The following EPHA5 variants were observed in gnomAD, a reference collection of about 807,000 sequenced individuals.
EPHA5 encodes the protein ephrin type-A receptor 5.
In EPHA5, 60 loss-of-function variants were observed where a neutral mutation model predicts 105.0. The ratio of observed to expected loss-of-function variants is 0.57; its 90% CI spans 0.46 to 0.71. The LOEUF (loss-of-function observed/expected upper bound fraction) is 0.71, where lower values mean the gene tolerates loss of function less well. EPHA5 is among the 30% of genes least tolerant of loss of function. The pLI is 0.00. For missense variants in EPHA5, 1,218 were observed against 1,274.7 expected (o/e 0.96, Z 0.68); for synonymous variants, 513 against 449.1 (o/e 1.14, Z -1.80).
intron 8 of EPHA5, 96 bp downstream of exon 8, chr4:65,404,278 T>TGATTTGTTTTGGG: frequency 5.7e-6 from 5 of 874,384 alleles, no homozygotes; most frequent in Non-Finnish European, 9.4e-6. Flanking sequence ...ATTGCTTGCC[T>TGATTTGTTTTGGG]GATTTGTTTT....
intron 4 of EPHA5, among the ~76,000 whole-genome samples, chr4:65,491,312 A>G (rs1028406535): frequency 2.6e-5 from 4 of 152,118 alleles, no homozygotes; most frequent in Admixed American, 6.6e-5. Flanking sequence ...CAAAATTACA[A>G]TTTGCAGTAA....
rs1718025312 is a variant in EPHA5 at position 65,367,425 on chromosome 4, C to A, written c.1794-1G>T. ...TTTTGCTTTGCTGTAGCCACACCGC[C>A]TGGAACAAAGTAAGCTAGAATTAGC... On this transcript the variant is annotated splice_acceptor_variant, in intron 8 of 16. Coordinates refer to ENST00000613740, the MANE Select transcript of EPHA5 (RefSeq NM_001281766.3). LOFTEE classifies it high-confidence loss of function. 1 of 1,611,860 alleles carries A rather than the reference C, an allele frequency of 6.2e-7. No homozygotes were observed. Among genetic ancestry groups the A allele is most frequent in the Non-Finnish European group, 8.5e-7 (1 of 1,179,064 alleles).
chr4:65,410,190 C>T (rs1248872551), intron 7 of EPHA5, among the ~76,000 whole-genome samples: 1 of 151,990 alleles, frequency 6.6e-6, no homozygotes, highest in African/African-American at 2.4e-5. Context: ...GGTGGTTAAA[C>T]AAATTGTGGC....
chr4:65,458,572 T>C (rs1028247440), intron 5 of EPHA5, among the ~76,000 whole-genome samples: 1 of 152,170 alleles, frequency 6.6e-6, no homozygotes, highest in Non-Finnish European at 1.5e-5. Context: ...ATGTTCACAT[T>C]AATTTATTAA....
intron 1 of EPHA5, among the ~76,000 whole-genome samples, chr4:65,666,567 T>C (rs968163180): frequency 6.6e-6 from 1 of 152,250 alleles, no homozygotes; most frequent in African/African-American, 2.4e-5. Context: ...ATATTTGTCC[T>C]GCTTGATCAG....
rs552153306 is a variant in EPHA5 at position 65,670,365 on chromosome 4, G to C, written c.-623C>G. 46 of 233,806 alleles carry C rather than the reference G, an allele frequency of 2.0e-4. No individual in the cohort carries two copies. The East Asian group carries it at 2.6e-3, about 13-fold the overall frequency. The allele number at this position is 233,806 out of a possible 1,614,324, so 14.5% of individuals were successfully genotyped here. On this transcript the variant is annotated 5_prime_UTR_variant, in exon 1 of 17. Coordinates refer to ENST00000613740, the MANE Select transcript of EPHA5 (RefSeq NM_001281766.3). ...GGGACTGACGGCTGCCGGCCGGTAG[G>C]AGCGCGGAGCTGCGCTGCGGCGGCC...
At chr4:65,461,894 C>A (rs1472992460) in intron 5 of EPHA5, among the ~76,000 whole-genome samples, 4 of 151,768 alleles carry the variant, frequency 2.6e-5, no homozygotes, top group Non-Finnish European at 4.4e-5. Flanking sequence ...ATAAAAGAAA[C>A]CCAGGTCAAG....
intron 2 of EPHA5, among the ~76,000 whole-genome samples, chr4:65,640,898 A>T (rs905065945): frequency 8.5e-5 from 13 of 152,198 alleles, no homozygotes; most frequent in African/African-American, 3.1e-4. Flanking sequence ...ATCAATGTGG[A>T]CATCTCAGTT....
intron 3 of EPHA5, among the ~76,000 whole-genome samples, chr4:65,554,981 C>CAAAAAAAAAA (rs71205383): frequency 1.8e-4 from 17 of 92,574 alleles, no homozygotes; most frequent in East Asian, 7.9e-4. Context: ...TATACAACAG[C>CAAAAAAAAAA]AAAAAAAAAA....
At chr4:65,414,573 A>G in intron 6 of EPHA5, 130 bp from the exon 7 acceptor site, 6 of 1,015,758 alleles carry the variant, frequency 5.9e-6, no homozygotes, top group Non-Finnish European at 8.5e-6. Flanking sequence ...ATAACATTTT[A>G]GAAAAAAATC....
Position 65,380,638 on chromosome 4 carries a change from A to C in EPHA5, c.1794-13214T>G, listed in dbSNP as rs367862929. ...GCAAGAAGAGTAATTTCACAAAAGA[A>C]GTACTTGAATTACATAGAAAATATT... On this transcript the variant is annotated intron_variant, in intron 8 of 16. Transcript: ENST00000613740. Among the ~76,000 whole-genome samples, 109 of 151,950 alleles carry C rather than the reference A, an allele frequency of 7.2e-4. 4 individuals are homozygous for C. The South Asian group carries it at 0.022, about 30-fold the overall frequency.
At chr4:65,443,905 C>CTG (rs57129731) in intron 5 of EPHA5, among the ~76,000 whole-genome samples, 11,857 of 149,912 alleles carry the variant, frequency 0.079, 592 homozygotes, top group African/African-American at 0.15. Context: ...GTTTGTGTGC[C>CTG]TGTGTGTGTG....
chr4:65,607,013 C>G (rs1426140940), intron 2 of EPHA5, among the ~76,000 whole-genome samples: 4 of 152,216 alleles, frequency 2.6e-5, no homozygotes, highest in South Asian at 4.2e-4. Context: ...AATATCTTCT[C>G]AAGTTCCTCA....
chr4:65,560,998 A>T (rs1738952489), intron 3 of EPHA5, among the ~76,000 whole-genome samples: 1 of 152,028 alleles, frequency 6.6e-6, no homozygotes, highest in Non-Finnish European at 1.5e-5. Flanking sequence ...CTAGAATAAA[A>T]ATCTCATATT....
intron 2 of EPHA5, among the ~76,000 whole-genome samples, chr4:65,616,476 A>G (rs1476755002): frequency 6.6e-6 from 1 of 151,154 alleles, no homozygotes; most frequent in Admixed American, 6.6e-5. Flanking sequence ...GAGAGAGAAG[A>G]GCATTAAGAG....
intron 2 of EPHA5, among the ~76,000 whole-genome samples, chr4:65,609,560 A>T (rs2149454687): frequency 6.6e-6 from 1 of 152,238 alleles, no homozygotes; most frequent in South Asian, 2.1e-4. Flanking sequence ...CAAAATTCAC[A>T]GACAATTGAG....
chr4:65,347,969 C>A, intron 14 of EPHA5, 85 bp downstream of exon 14: 1 of 1,337,576 alleles, frequency 7.5e-7, no homozygotes, highest in South Asian at 1.6e-5. Flanking sequence ...GCAACTGTCA[C>A]TTTCAGAAAT....
chr4:65,502,493 G>GA (rs1276403510), intron 3 of EPHA5, among the ~76,000 whole-genome samples: 1 of 151,010 alleles, frequency 6.6e-6, no homozygotes, highest in Admixed American at 6.6e-5. Flanking sequence ...CAACAAACAT[G>GA]AAAAAAATGC....
chr4:65,615,332 A>T (rs1745136227), intron 2 of EPHA5, among the ~76,000 whole-genome samples: 2 of 151,898 alleles, frequency 1.3e-5, no homozygotes, highest in South Asian at 4.1e-4. Context: ...GTACATACAA[A>T]AGTTCATGCC....
Sources: gnomAD v4.1 joint callset for allele counts (sites outside exome capture counted in the v4.1 genomes callset) on GRCh38, gnomAD v4.1.1 for gene constraint, MANE v1.5 for transcripts, NCBI Gene and HGNC (gene_info 2026-07-23, HGNC 2026-07-21) for gene names.